GRID1: variants seen among roughly 807,000 people sequenced by gnomAD.
GRID1 encodes the protein glutamate receptor ionotropic, delta-1.
Under a neutral mutation model 98.0 loss-of-function variants are expected in GRID1, and 28 were observed. The observed-to-expected ratio is 0.29, with a 90% CI of 0.21 to 0.39. GRID1 has a LOEUF of 0.39. GRID1 is among the 10% of genes least tolerant of loss of function. The pLI is 1.00. For synonymous variants in GRID1, 553 were observed against 538.5 expected (o/e 1.03, Z -0.37); for missense variants, 1,111 against 1,340.5 (o/e 0.83, Z 2.67).
intron 13 of GRID1, among the ~76,000 whole-genome samples, chr10:85,620,766 C>A (rs1040632284): frequency 1.3e-5 from 2 of 152,240 alleles, no homozygotes; most frequent in Non-Finnish European, 2.9e-5. Flanking sequence ...TGCCTGCACA[C>A]AAACACACCT....
chr10:85,651,216 T>C (rs1388873186), intron 12 of GRID1, among the ~76,000 whole-genome samples: 1 of 152,244 alleles, frequency 6.6e-6, no homozygotes, highest in Non-Finnish European at 1.5e-5. Flanking sequence ...GACATATACC[T>C]GGTACACAGT....
At position 85,684,445 on chromosome 10, in the gene GRID1, C is replaced by G. The variant is rs548747690; in HGVS notation, c.1998-37048G>C. On this transcript the variant is annotated intron_variant, in intron 12 of 15. Coordinates refer to ENST00000327946, the MANE Select transcript of GRID1 (RefSeq NM_017551.3). Reference sequence around the variant, plus strand: ...AAAGTTGGTTTAAAATTAGAACTATCTATGTAATTTGTTATATTCATATAT... The same window carrying G: ...AAAGTTGGTTTAAAATTAGAACTATGTATGTAATTTGTTATATTCATATAT... Among the ~76,000 whole-genome samples, 92 of 152,156 alleles carry G rather than the reference C, an allele frequency of 6.0e-4. 2 individuals are homozygous for G. The highest frequency in any genetic ancestry group is 2.1e-3 in the African/African-American group (86 of 41,538).
intron 12 of GRID1, chr10:85,708,969 C>T (rs1465010251): frequency 2.6e-5 from 6 of 229,136 alleles, no homozygotes; most frequent in Non-Finnish European, 5.5e-5. Context: ...TACCATATAT[C>T]AATGAAAGCA....
At chr10:85,650,493 G>C (rs1158815311) in intron 12 of GRID1, among the ~76,000 whole-genome samples, 1 of 152,140 alleles carries the variant, frequency 6.6e-6, no homozygotes, top group African/African-American at 2.4e-5. Context: ...AACAGTTCCT[G>C]AATGTCTACT....
chr10:86,127,347 A>T (rs1844769455), intron 4 of GRID1, among the ~76,000 whole-genome samples: 1 of 152,142 alleles, frequency 6.6e-6, no homozygotes, highest in Non-Finnish European at 1.5e-5. Flanking sequence ...TCTCATCTGA[A>T]GAGTAACTCT....
chr10:85,613,044 C>T (rs1164957796), intron 15 of GRID1: 2 of 216,602 alleles, frequency 9.2e-6, no homozygotes, highest in Non-Finnish European at 1.8e-5. Context: ...AAGGAATGGG[C>T]TCCTCTCTTA....
Position 86,053,220 on chromosome 10 carries a change from A to AATAT in GRID1, c.726+85595_726+85598dup, listed in dbSNP as rs553021561. ...AATATTTTCTAATTTTTCTACAATT[A>AATAT]ATATATATTCCTTGTGTAATAAAAA... On this transcript the variant is annotated intron_variant, in intron 4 of 15. Transcript: ENST00000327946. 1.1e-3 allele frequency among the ~76,000 whole-genome samples: 161 copies of AATAT among 152,334 alleles called. 1 individual carries two copies. The highest frequency in any genetic ancestry group is 9.6e-4 in the East Asian group (5 of 5,192).
chr10:86,332,782 C>A (rs1848166712), intron 2 of GRID1, among the ~76,000 whole-genome samples: 1 of 151,576 alleles, frequency 6.6e-6, no homozygotes, highest in Admixed American at 6.6e-5. Context: ...TCCTCCCTGA[C>A]TCCTCATCTC....
At chr10:86,017,512 T>C (rs17106160) in intron 4 of GRID1, among the ~76,000 whole-genome samples, 5,564 of 152,314 alleles carry the variant, frequency 0.037, 169 homozygotes, top group African/African-American at 0.08. Flanking sequence ...CAGCCTTATT[T>C]GCAGAAGCAG....
At chr10:86,227,418 G>T (rs1846370088) in intron 2 of GRID1, among the ~76,000 whole-genome samples, 1 of 152,102 alleles carries the variant, frequency 6.6e-6, no homozygotes, top group Admixed American at 6.5e-5. Context: ...GGAGCTCCTG[G>T]TCTTTTCATT....
chr10:86,141,963 C>G (rs1472611157), intron 3 of GRID1, among the ~76,000 whole-genome samples: 3 of 152,268 alleles, frequency 2.0e-5, no homozygotes, highest in African/African-American at 7.2e-5. Context: ...CCAGCTCCAG[C>G]TCCGGCCTCA....
intron 4 of GRID1, among the ~76,000 whole-genome samples, chr10:86,033,899 G>A (rs1189095083): frequency 6.6e-6 from 1 of 152,236 alleles, no homozygotes; most frequent in Non-Finnish European, 1.5e-5. Context: ...ATGCCAATCA[G>A]AGGGTGTCAC....
chr10:85,796,700 C>CAA (rs61100651), intron 8 of GRID1, among the ~76,000 whole-genome samples: 36 of 142,064 alleles, frequency 2.5e-4, no homozygotes, highest in African/African-American at 5.1e-4. Flanking sequence ...TGATCTAACT[C>CAA]AAAAAAAAAA....
intron 2 of GRID1, among the ~76,000 whole-genome samples, chr10:86,278,218 T>A (rs1217177107): frequency 1.3e-5 from 2 of 152,082 alleles, no homozygotes; most frequent in Non-Finnish European, 2.9e-5. Flanking sequence ...AAAAAGATAT[T>A]CCAGACAAAT....
intron 8 of GRID1, among the ~76,000 whole-genome samples, chr10:85,738,146 G>T (rs1841905309): frequency 2.6e-5 from 4 of 152,050 alleles, no homozygotes. Context: ...AAATATCAAA[G>T]ATGTGTGTAC....
chr10:85,880,248 G>A (rs1298510489), intron 5 of GRID1, among the ~76,000 whole-genome samples: 3 of 152,130 alleles, frequency 2.0e-5, no homozygotes, highest in Admixed American at 1.3e-4. Flanking sequence ...CAGAAAAAGA[G>A]GGAATCCTCC....
rs61136975 is a variant in GRID1 at position 85,847,625 on chromosome 10, G to C, written c.1233+6871C>G. On this transcript the variant is annotated intron_variant, in intron 8 of 15. Coordinates refer to ENST00000327946, the MANE Select transcript of GRID1 (RefSeq NM_017551.3). ...ATGAAGGTCTGCTGTATAAATGGTAGTAGAAAGCATTTAGTGGAAAAATGT... is the reference window on the plus strand; with the variant it reads ...ATGAAGGTCTGCTGTATAAATGGTACTAGAAAGCATTTAGTGGAAAAATGT... Among the ~76,000 whole-genome samples, 358 of 152,094 alleles carry C rather than the reference G, an allele frequency of 2.4e-3. 1 individual carries two copies. Among genetic ancestry groups the C allele is most frequent in the African/African-American group, 7.9e-3 (327 of 41,482 alleles).
intron 15 of GRID1, among the ~76,000 whole-genome samples, chr10:85,610,976 G>C (rs557888439): frequency 6.6e-6 from 1 of 152,152 alleles, no homozygotes; most frequent in African/African-American, 2.4e-5. Flanking sequence ...ACAGGGGCAG[G>C]AAGTCCCACA....
At chr10:85,715,101 G>C (rs1336328006) in intron 12 of GRID1, among the ~76,000 whole-genome samples, 4 of 152,116 alleles carry the variant, frequency 2.6e-5, no homozygotes, top group Non-Finnish European at 5.9e-5. Context: ...ACAGTCAATT[G>C]ATCTTTGACA....
Sources: allele counts gnomAD v4.1 joint callset (sites outside exome capture counted in the v4.1 genomes callset), GRCh38; gene constraint gnomAD v4.1.1; transcripts MANE v1.5; gene names NCBI Gene and HGNC (gene_info 2026-07-23, HGNC 2026-07-21).